Variants in FOXP2 observed in about 807,000 individuals in gnomAD.
FOXP2 encodes the protein forkhead box P2.
Under a neutral mutation model 115.8 loss-of-function variants are expected in FOXP2, and 12 were observed. That is an observed-to-expected ratio of 0.10 (90% CI 0.07 to 0.17). The LOEUF is 0.17. Among genes scored for constraint, FOXP2 ranks in the 10% least tolerant of loss-of-function variants. The pLI is 1.00. For synonymous variants in FOXP2, 328 were observed against 297.7 expected (o/e 1.10, Z -1.05); for missense variants, 629 against 843.5 (o/e 0.75, Z 3.15).
At chr7:114,573,975 A>G (rs1031154380) in intron 3 of FOXP2, among the ~76,000 whole-genome samples, 4 of 151,724 alleles carry the variant, frequency 2.6e-5, no homozygotes, top group African/African-American at 7.3e-5. Context: ...ATATTTTTTC[A>G]TAGGGTTTTT....
chr7:114,491,993 C>G (rs1461031655), intron 2 of FOXP2, among the ~76,000 whole-genome samples: 1 of 152,182 alleles, frequency 6.6e-6, no homozygotes, highest in African/African-American at 2.4e-5. Context: ...ATGGTACCAG[C>G]TCCTCCTTAT....
At chr7:114,679,482 C>A (rs1032489256) in intron 16 of FOXP2, among the ~76,000 whole-genome samples, 8 of 152,130 alleles carry the variant, frequency 5.3e-5, no homozygotes, top group African/African-American at 1.9e-4. Context: ...ACTCTTCTAC[C>A]TTTTCATTAT....
intron 2 of FOXP2, among the ~76,000 whole-genome samples, chr7:114,375,272 G>A (rs1188836129): frequency 6.6e-6 from 1 of 152,120 alleles, no homozygotes; most frequent in African/African-American, 2.4e-5. Context: ...CAAATAAAAT[G>A]TATCTCTTCC....
At chr7:114,332,161 T>C (rs979908553) in intron 2 of FOXP2, among the ~76,000 whole-genome samples, 2 of 152,154 alleles carry the variant, frequency 1.3e-5, no homozygotes, top group African/African-American at 4.8e-5. Context: ...GGGGGTAATG[T>C]TTCTAGACTA....
rs1305674881 is a variant in FOXP2, at chr7:114,583,314, G to T, written c.259-45226G>T. Reference sequence around the variant, plus strand: ...GAATCCCTTTAACCCGGAGGTGGGGGTTGCAGTGAGCAGAGATCACTCCAC... The same window carrying T: ...GAATCCCTTTAACCCGGAGGTGGGGTTTGCAGTGAGCAGAGATCACTCCAC... On this transcript the variant is annotated intron_variant, in intron 3 of 16. Transcript: ENST00000350908. Among the ~76,000 whole-genome samples the T allele has an allele frequency of 2.0e-5, 3 of 152,172 alleles. No individual in the cohort carries two copies. The East Asian group carries it at 5.8e-4, about 29-fold the overall frequency.
intron 1 of FOXP2, among the ~76,000 whole-genome samples, chr7:114,284,630 C>T (rs1001601644): frequency 1.3e-5 from 2 of 152,022 alleles, no homozygotes; most frequent in African/African-American, 4.8e-5. Flanking sequence ...ATTAGTTCAA[C>T]CATTATAGAA....
Position 114,167,464 on chromosome 7 carries a change from A to G in FOXP2, c.-102+4376A>G, listed in dbSNP as rs180760443. Among the ~76,000 whole-genome samples, 4 of 152,266 alleles carry G rather than the reference A, an allele frequency of 2.6e-5. No homozygotes were observed. The East Asian group carries it at 5.8e-4, about 22-fold the overall frequency. On this transcript the variant is annotated intron_variant, in intron 1 of 17. Coordinates refer to the FOXP2 transcript ENST00000634411. Reference sequence around the variant, plus strand: ...TGGCAACCCTGAGTTGAGCAAGTCTATTGGTGCCACTGATATGGTTTGGCT... The same window carrying G: ...TGGCAACCCTGAGTTGAGCAAGTCTGTTGGTGCCACTGATATGGTTTGGCT...
rs141411593 is a variant in FOXP2, at chr7:114,264,159, C to T, written c.-101-23860C>T. 5.7e-4 allele frequency among the ~76,000 whole-genome samples: 86 copies of T among 152,182 alleles called. 1 individual carries two copies. The East Asian group carries it at 0.016, about 28-fold the overall frequency. ...GTTATTTGCCTTACTTCTCTTCACC[C>T]TTATTCTAGTATGATTATACCAGAG... On this transcript the variant is annotated intron_variant, in intron 1 of 17. Transcript: ENST00000634411.
rs558681066 is a variant in FOXP2 at position 114,319,233 on chromosome 7, C to T, written c.-11+31124C>T. Among the ~76,000 whole-genome samples the T allele has an allele frequency of 4.6e-5, 7 of 152,246 alleles. No individual in the cohort carries two copies. In the South Asian group the frequency reaches 1.0e-3, roughly 23 times the overall value. ...TGTCCTTGTGACTCTTACCTGGACT[C>T]ATGTGCTGTTTATACCTGCCTGACC... is the stretch of plus-strand genomic sequence containing the variant. On this transcript the variant is annotated intron_variant, in intron 2 of 17. Transcript: ENST00000634411.
chr7:114,485,979 C>A (rs901012995), intron 2 of FOXP2, among the ~76,000 whole-genome samples: 3 of 152,120 alleles, frequency 2.0e-5, no homozygotes, highest in African/African-American at 7.2e-5. Flanking sequence ...AAAATGGAGT[C>A]AATACTACTA....
chr7:114,291,497 A>G (rs1410637576), intron 2 of FOXP2, among the ~76,000 whole-genome samples: 2 of 152,098 alleles, frequency 1.3e-5, no homozygotes, highest in Non-Finnish European at 2.9e-5. Flanking sequence ...ATGAATTTTC[A>G]TATATGTAGA....
chr7:114,688,249 C>CTTTT lies in FOXP2; in HGVS notation c.2004-1523_2004-1520dup, dbSNP rs111370043. Among the ~76,000 whole-genome samples the CTTTT allele has an allele frequency of 1.7e-5, 2 of 116,536 alleles. 1 individual carries two copies. The highest frequency in any genetic ancestry group is 3.5e-5 in the Non-Finnish European group (2 of 56,934). The allele number at this position is 116,536 out of a possible 152,430, so 76.5% of individuals were successfully genotyped here. On this transcript the variant is annotated intron_variant, in intron 16 of 16. Coordinates refer to ENST00000350908, the MANE Select transcript of FOXP2 (RefSeq NM_014491.4). ...CACACACACACACACACACACACAT[C>CTTTT]TTTTTTTTTTTTTGGCCTAGTTTTG... is the stretch of plus-strand genomic sequence containing the variant.
chr7:114,139,394 G>A (rs1038284134), intron 1 of FOXP2, among the ~76,000 whole-genome samples: 1 of 151,892 alleles, frequency 6.6e-6, no homozygotes, highest in African/African-American at 2.4e-5. Flanking sequence ...GATCTATAGG[G>A]TATAAAACAT....
intron 1 of FOXP2, among the ~76,000 whole-genome samples, chr7:114,419,189 A>G (rs1304653725): frequency 6.6e-6 from 1 of 151,832 alleles, no homozygotes; most frequent in African/African-American, 2.4e-5. Flanking sequence ...AAATTTTGAT[A>G]ATCTATGTGT....
At chr7:114,396,290 T>G (rs1278201944) in intron 2 of FOXP2, among the ~76,000 whole-genome samples, 1 of 152,150 alleles carries the variant, frequency 6.6e-6, no homozygotes, top group Admixed American at 6.5e-5. Context: ...GTGCCTGGTT[T>G]ATTTCACTTA....
At chr7:114,680,915 T>C (rs953773352) in intron 16 of FOXP2, among the ~76,000 whole-genome samples, 2 of 152,184 alleles carry the variant, frequency 1.3e-5, no homozygotes, top group Non-Finnish European at 1.5e-5. Context: ...AGAATTTCTT[T>C]CTTATTTCCA....
chr7:114,412,244 C>T (rs1171114271), upstream of FOXP2, among the ~76,000 whole-genome samples: 5 of 152,038 alleles, frequency 3.3e-5, no homozygotes, highest in South Asian at 2.1e-4. Flanking sequence ...TTCCTGATCA[C>T]GTACCTGCCA....
chr7:114,181,856 TG>T (rs1793465669), intron 1 of FOXP2, among the ~76,000 whole-genome samples: 1 of 152,104 alleles, frequency 6.6e-6, no homozygotes, highest in Admixed American at 6.6e-5. Context: ...AATCTATATC[TG>T]TAGAATGGTT....
chr7:114,314,931 T>C (rs973994575), intron 2 of FOXP2, among the ~76,000 whole-genome samples: 2 of 152,172 alleles, frequency 1.3e-5, no homozygotes, highest in African/African-American at 4.8e-5. Context: ...TAGATGGCTA[T>C]TTAACATTTC....
Sources: allele counts gnomAD v4.1 joint callset (sites outside exome capture counted in the v4.1 genomes callset), GRCh38; gene constraint gnomAD v4.1.1; transcripts MANE v1.5; gene names NCBI Gene and HGNC (gene_info 2026-07-23, HGNC 2026-07-21).